Variants in STK32B observed in about 807,000 individuals in gnomAD.
STK32B encodes serine/threonine-protein kinase 32B.
STK32B carries 43 observed loss-of-function variants against 52.6 expected under a neutral mutation model. The observed-to-expected ratio is 0.82, with a 90% CI of 0.64 to 1.05. The LOEUF (loss-of-function observed/expected upper bound fraction) is 1.05, where lower values mean the gene tolerates loss of function less well. STK32B is among the 50% of genes least tolerant of loss of function. STK32B has a pLI of 0.00. For missense variants in STK32B, 621 were observed against 534.6 expected (o/e 1.16, Z -1.59); for synonymous variants, 238 against 204.3 (o/e 1.17, Z -1.41).
chr4:5,182,752 C>T (rs1720458810), intron 3 of STK32B, among the ~76,000 whole-genome samples: 2 of 152,106 alleles, frequency 1.3e-5, no homozygotes, highest in Non-Finnish European at 2.9e-5. Flanking sequence ...AGCCACTGCG[C>T]CCAGCCCCAA....
At chr4:5,041,448 CACTT>C in the STK32B span, among the ~76,000 whole-genome samples, 82 of 152,306 alleles carry the variant, frequency 5.4e-4, no homozygotes, top group Admixed American at 9.1e-4. Context: ...TCTCCACAGA[CACTT>C]AATTTGAGGT....
intron 11 of STK32B, among the ~76,000 whole-genome samples, chr4:5,490,788 T>G (rs1041183059): frequency 6.6e-6 from 1 of 152,156 alleles, no homozygotes; most frequent in South Asian, 2.1e-4. Context: ...GTGTTCTCAT[T>G]GTTCAATTCC....
At chr4:5,343,510 C>T (rs1733241092) in intron 4 of STK32B, among the ~76,000 whole-genome samples, 2 of 152,010 alleles carry the variant, frequency 1.3e-5, no homozygotes, top group Non-Finnish European at 2.9e-5. Flanking sequence ...GTTCTAGATC[C>T]CTGAGGAATC....
intron 11 of STK32B, among the ~76,000 whole-genome samples, chr4:5,485,961 G>A (rs1413470701): frequency 6.6e-6 from 1 of 152,158 alleles, no homozygotes; most frequent in Admixed American, 6.5e-5. Flanking sequence ...TTGTCTCAGG[G>A]GAGTACCTGG....
chr4:5,111,549 T>A (rs1006700154), intron 1 of STK32B, among the ~76,000 whole-genome samples: 2 of 151,878 alleles, frequency 1.3e-5, no homozygotes, highest in African/African-American at 4.8e-5. Flanking sequence ...CACTTATAAG[T>A]GGGAGCTAAA....
intron 2 of STK32B, among the ~76,000 whole-genome samples, chr4:5,151,061 C>T (rs1186868514): frequency 6.6e-6 from 1 of 152,124 alleles, no homozygotes; most frequent in Non-Finnish European, 1.5e-5. Flanking sequence ...TGACTATAGC[C>T]TGTCATCATC....
chr4:5,158,337 T>G (rs944150356), intron 2 of STK32B, among the ~76,000 whole-genome samples: 1 of 152,090 alleles, frequency 6.6e-6, no homozygotes, highest in African/African-American at 2.4e-5. Context: ...TGCCTTGCTG[T>G]GAAGTTTCCT....
chr4:5,396,259 G>A lies in STK32B; in HGVS notation c.435-1948G>A, dbSNP rs1018561787. On this transcript the variant is annotated intron_variant, in intron 4 of 11. Coordinates refer to ENST00000282908, the MANE Select transcript of STK32B (RefSeq NM_018401.3). This position sits in a 1 kb window ranked among gnomAD's most constrained non-coding sequence, Gnocchi z 4.7. ...GTTCCAGCTCCAGGTGGCTCCAGGCGTTTCTGGTTCATGGCTGCATCACTC... is the reference window on the plus strand; with the variant it reads ...GTTCCAGCTCCAGGTGGCTCCAGGCATTTCTGGTTCATGGCTGCATCACTC... 8.5e-5 allele frequency among the ~76,000 whole-genome samples: 13 copies of A among 152,158 alleles called. No individual in the cohort carries two copies. The highest frequency in any genetic ancestry group is 2.9e-4 in the African/African-American group (12 of 41,440).
intron 1 of STK32B, among the ~76,000 whole-genome samples, chr4:5,066,856 C>A (rs890130268): frequency 6.6e-6 from 1 of 152,222 alleles, no homozygotes; most frequent in Non-Finnish European, 1.5e-5. Flanking sequence ...ACTTATCTTT[C>A]TTCAAGATGC....
intron 4 of STK32B, among the ~76,000 whole-genome samples, chr4:5,340,452 TG>T (rs1251395768): frequency 6.6e-6 from 1 of 152,202 alleles, no homozygotes; most frequent in Non-Finnish European, 1.5e-5. Context: ...AGGCCCCAGG[TG>T]GGTGGAGCCT....
At chr4:5,109,348 A>G (rs1012227100) in intron 1 of STK32B, among the ~76,000 whole-genome samples, 4 of 152,250 alleles carry the variant, frequency 2.6e-5, no homozygotes, top group African/African-American at 4.8e-5. Flanking sequence ...ATAGTCACAA[A>G]GGACACACAC....
At chr4:5,247,059 C>A (rs576424899) in intron 3 of STK32B, among the ~76,000 whole-genome samples, 1 of 152,220 alleles carries the variant, frequency 6.6e-6, no homozygotes, top group Non-Finnish European at 1.5e-5. Context: ...GTTCTCAGAT[C>A]TCAAGCTGCA....
At chr4:5,170,003 C>T (rs1719228904) in intron 3 of STK32B, among the ~76,000 whole-genome samples, 2 of 152,138 alleles carry the variant, frequency 1.3e-5, no homozygotes, top group Non-Finnish European at 2.9e-5. Flanking sequence ...GGGAGCGCTA[C>T]CTCCTTGTTA....
chr4:5,139,513 G>A (rs1716275871), intron 1 of STK32B: 1 of 198,184 alleles, frequency 5.0e-6, no homozygotes. Flanking sequence ...AAGCATGAAG[G>A]GGAGAATTGA....
intron 11 of STK32B, among the ~76,000 whole-genome samples, chr4:5,481,241 T>C (rs1279013419): frequency 3.9e-5 from 6 of 152,096 alleles, no homozygotes; most frequent in East Asian, 1.9e-4. Flanking sequence ...CTCTCCAGCA[T>C]CTGTTGTTTC....
chr4:5,122,416 A>G (rs965318710), intron 1 of STK32B, among the ~76,000 whole-genome samples: 3 of 151,996 alleles, frequency 2.0e-5, no homozygotes, highest in African/African-American at 7.3e-5. Flanking sequence ...TCACTCATTC[A>G]TTCACTCATT....
At chr4:5,330,790 T>C (rs1433520582) in intron 3 of STK32B, among the ~76,000 whole-genome samples, 1 of 152,116 alleles carries the variant, frequency 6.6e-6, no homozygotes, top group Admixed American at 6.6e-5. Context: ...AGAAACAAGC[T>C]CCATATGGAG....
intron 4 of STK32B, among the ~76,000 whole-genome samples, chr4:5,367,105 ACTT>A (rs1289127507): frequency 6.6e-6 from 1 of 152,014 alleles, no homozygotes; most frequent in African/African-American, 2.4e-5. Flanking sequence ...AAAAAGAAAA[ACTT>A]CTTTTTCTCC....
At chr4:5,185,003 C>T (rs1052892274) in intron 3 of STK32B, among the ~76,000 whole-genome samples, 1 of 152,200 alleles carries the variant, frequency 6.6e-6, no homozygotes, top group Non-Finnish European at 1.5e-5. Context: ...GAGGTTGCTC[C>T]CTGTTTCCGT....
Sources: allele counts gnomAD v4.1 joint callset (sites outside exome capture counted in the v4.1 genomes callset), GRCh38; gene constraint gnomAD v4.1.1; non-coding constraint Gnocchi (gnomAD v3.1); transcripts MANE v1.5; gene names NCBI Gene and HGNC (gene_info 2026-07-23, HGNC 2026-07-21).